Variants in RAB2B observed in about 807,000 individuals in gnomAD.
The protein encoded by RAB2B is RAB2B, member RAS oncogene family.
Under a neutral mutation model 29.8 loss-of-function variants are expected in RAB2B, and 20 were observed. The ratio of observed to expected loss-of-function variants is 0.67; its 90% CI spans 0.47 to 0.97. The LOEUF (loss-of-function observed/expected upper bound fraction) is 0.97. Among genes scored for constraint, RAB2B ranks in the 50% least tolerant of loss-of-function variants. The pLI, the probability that RAB2B is intolerant of heterozygous loss-of-function variation, is 0.00. For synonymous variants in RAB2B, 93 were observed against 91.7 expected (o/e 1.01, Z -0.08); for missense variants, 218 against 272.0 (o/e 0.80, Z 1.40).
At chr14:21,474,606 C>T (rs1890902976) in intron 3 of RAB2B, 1 of 412,402 alleles carries the variant, frequency 2.4e-6, no homozygotes, top group Non-Finnish European at 4.4e-6. Flanking sequence ...CAAAAGGGGA[C>T]ATTTACTTTC....
chr14:21,460,935 G>A lies in RAB2B; in HGVS notation c.*261C>T. The A allele has an allele frequency of 3.8e-6, 1 of 261,444 alleles. No homozygotes were observed. The highest frequency in any genetic ancestry group is 7.2e-6 in the Non-Finnish European group (1 of 138,754). The allele number at this position is 261,444 out of a possible 1,614,324, so 16.2% of individuals were successfully genotyped here. Reference sequence around the variant, plus strand: ...GCCATGAAATTATTTTTTAACTACTGTGATAATCAACTTTGATCCTAACAA... The same window carrying A: ...GCCATGAAATTATTTTTTAACTACTATGATAATCAACTTTGATCCTAACAA... On this transcript the variant is annotated 3_prime_UTR_variant, in exon 8 of 8. Transcript: ENST00000397762.
intron 5 of RAB2B, among the ~76,000 whole-genome samples, chr14:21,467,078 T>C (rs977437372): frequency 6.6e-6 from 1 of 152,150 alleles, no homozygotes; most frequent in African/African-American, 2.4e-5. Context: ...GGCTACTTTT[T>C]GTATTTTTTC....
At chr14:21,475,607 A>G (rs1890933823) in intron 2 of RAB2B, among the ~76,000 whole-genome samples, 1 of 152,082 alleles carries the variant, frequency 6.6e-6, no homozygotes, top group African/African-American at 2.4e-5. Context: ...TTTTTTTAAC[A>G]ATACATTTTA....
In RAB2B at chr14:21,460,981, G is replaced by T; in HGVS notation, c.*215C>A. 2.6e-6 allele frequency: 1 copy of T among 382,346 alleles called. No homozygotes were observed. Among genetic ancestry groups the T allele is most frequent in the Non-Finnish European group, 4.7e-6 (1 of 212,996 alleles). 23.7% of individuals were successfully genotyped at this position (382,346 alleles called of 1,614,324 possible). ...AACAATTTAAGAAATTTGTATAGGA[G>T]GATAAGAAGAACCCTAATCTATAGG... On this transcript the variant is annotated 3_prime_UTR_variant, in exon 8 of 8. Coordinates refer to ENST00000397762, the MANE Select transcript of RAB2B (RefSeq NM_032846.4).
rs369636136 is a variant in RAB2B at position 21,462,377 on chromosome 14, C to T, written c.516G>A (p.Gln172=). The change falls in exon 7 of 8, where the codon CAG becomes CAA. Residue 172 remains glutamine (Q), a synonymous_variant. Transcript: ENST00000397762. ...CATTGTGGACATCAAATAAACCCTGCTGGATCTTCCTATATATTTCTTTGG... is the reference window on the plus strand; with the variant it reads ...CATTGTGGACATCAAATAAACCCTGTTGGATCTTCCTATATATTTCTTTGG... ...NTAKEIYRKI[Q]QGLFDVHNEA... The T allele has an allele frequency of 8.7e-6, 14 of 1,613,620 alleles. No homozygotes were observed. The African/African-American group carries it at 1.3e-4, about 15-fold the overall frequency.
At chr14:21,474,677 G>A (rs772406060) in intron 3 of RAB2B, 190 bp downstream of exon 3, 13 of 550,728 alleles carry the variant, frequency 2.4e-5, no homozygotes, top group African/African-American at 1.3e-4. Context: ...TACTTGGATC[G>A]TTTACAACAC....
intron 5 of RAB2B, among the ~76,000 whole-genome samples, chr14:21,467,882 G>A (rs1890720846): frequency 6.6e-6 from 1 of 152,180 alleles, no homozygotes; most frequent in Non-Finnish European, 1.5e-5. Context: ...CTTTAAAAAG[G>A]AAGGAAATTC....
At position 21,459,383 on chromosome 14, in the gene RAB2B, A is replaced by G. The variant is rs1890484525; in HGVS notation, c.*1813T>C. The G allele has an allele frequency of 6.6e-6, 1 of 152,248 alleles. No individual in the cohort carries two copies. The highest frequency in any genetic ancestry group is 2.4e-5 in the African/African-American group (1 of 41,466). The allele number at this position is 152,248 out of a possible 1,614,324, so 9.4% of individuals were successfully genotyped here. On this transcript the variant is annotated 3_prime_UTR_variant, in exon 8 of 8. Transcript: ENST00000397762. ...AAACAAATGAGTGGGGCAGAATTAC[A>G]GAGAGAGGACTCTAAAGTCTTTTGT...
chr14:21,465,638 T>C (rs1566468429), intron 5 of RAB2B, among the ~76,000 whole-genome samples: 2 of 152,228 alleles, frequency 1.3e-5, no homozygotes, highest in African/African-American at 2.4e-5. Context: ...ACTTCTCTAC[T>C]TAAAACTTTA....
intron 5 of RAB2B, among the ~76,000 whole-genome samples, chr14:21,465,788 C>T (rs1890671809): frequency 6.6e-6 from 1 of 152,202 alleles, no homozygotes. Flanking sequence ...ACCTACTTTT[C>T]CAACCTCATC....
Position 21,468,673 on chromosome 14 carries a change from G to A in RAB2B, c.266C>T (p.Thr89Ile). Reference protein sequence around the residue: ...AAGALLVYDITRRETFNHLTS... With the variant: ...AAGALLVYDIIRRETFNHLTS... ...CCATGCACCAGATCTGGCTCACCTT[G>A]TAATGTCGTACACCAGCAGTGCTCC... The change falls in exon 4 of 8, where the codon ACA becomes ATA. Residue 89 changes from threonine to isoleucine, a missense_variant. Thr to Ile is a moderately conservative substitution (Grantham distance 89, BLOSUM62 -1). Transcript: ENST00000397762. 6.4e-7 allele frequency: 1 copy of A among 1,561,052 alleles called. No homozygotes were observed. Among genetic ancestry groups the A allele is most frequent in the Non-Finnish European group, 8.6e-7 (1 of 1,157,768 alleles).
intron 3 of RAB2B, among the ~76,000 whole-genome samples, chr14:21,473,618 C>T (rs951653937): frequency 1.3e-5 from 2 of 152,182 alleles, no homozygotes; most frequent in African/African-American, 2.4e-5. Context: ...CTGTGGCTCA[C>T]GCCTGTAATC....
intron 5 of RAB2B, among the ~76,000 whole-genome samples, chr14:21,465,597 C>T (rs1407961945): frequency 6.6e-6 from 1 of 152,174 alleles, no homozygotes; most frequent in East Asian, 1.9e-4. Flanking sequence ...TTGTTCTCCT[C>T]CAGAGTGATC....
chr14:21,476,409 A>C, intron 2 of RAB2B, 119 bp downstream of exon 2: 1 of 1,001,636 alleles, frequency 1.0e-6, no homozygotes, highest in Non-Finnish European at 1.5e-6. Context: ...AGTTTGGACT[A>C]GTTTAAAGTA....
At chr14:21,461,865 T>C (rs912819403) in intron 7 of RAB2B, among the ~76,000 whole-genome samples, 2 of 152,174 alleles carry the variant, frequency 1.3e-5, no homozygotes, top group African/African-American at 4.8e-5. Flanking sequence ...CCGCCACACC[T>C]GGCCCCTGTG....
In RAB2B at chr14:21,476,915, G is replaced by T; in HGVS notation, c.-43C>A. 1.2e-6 allele frequency: 2 copies of T among 1,604,884 alleles called. No homozygotes were observed. Among genetic ancestry groups the T allele is most frequent in the Non-Finnish European group, 1.7e-6 (2 of 1,173,348 alleles). ...GTTCCGGGTCCGCCCGACTTCTATA[G>T]CCACTTACCTCCGACCTCTCTAGCC... On this transcript the variant is annotated 5_prime_UTR_variant, in exon 1 of 8. Transcript: ENST00000397762.
intron 3 of RAB2B, among the ~76,000 whole-genome samples, chr14:21,470,625 G>C (rs10146118): frequency 0.72 from 108,919 of 152,000 alleles, 40,178 homozygotes; most frequent in South Asian, 0.87. Flanking sequence ...AATACTTACA[G>C]TTTTATATTT....
Position 21,461,226 on chromosome 14 carries a change from ACGAGAGTTCCG to A in RAB2B, c.610_620del (p.Arg204Ter). 2.5e-6 allele frequency: 4 copies of A among 1,613,816 alleles called. No homozygotes were observed. Among genetic ancestry groups the A allele is most frequent in the Non-Finnish European group, 3.4e-6 (4 of 1,179,820 alleles). On this transcript the variant is annotated frameshift_variant, in exon 8 of 8. Coordinates refer to ENST00000397762, the MANE Select transcript of RAB2B (RefSeq NM_032846.4). LOFTEE classifies it high-confidence loss of function. ...AGCAGCCAGAGTTGGACCCTATGTCACGAGAGTTCCGCTGGGAGGCACTGGGTCCCACTGAT... is the reference window on the plus strand; with the variant it reads ...AGCAGCCAGAGTTGGACCCTATGTCACTGGGAGGCACTGGGTCCCACTGAT...
At chr14:21,468,780 T>C in intron 3 of RAB2B, 28 bp from the exon 4 acceptor site, 1 of 1,467,886 alleles carries the variant, frequency 6.8e-7, no homozygotes, top group Non-Finnish European at 9.1e-7. Flanking sequence ...CAACAAAAAA[T>C]CCCAACAAAA....
Sources: allele counts gnomAD v4.1 joint callset (sites outside exome capture counted in the v4.1 genomes callset), GRCh38; gene constraint gnomAD v4.1.1; transcripts MANE v1.5; gene names NCBI Gene and HGNC (gene_info 2026-07-23, HGNC 2026-07-21).